LHFPL1: variants seen among roughly 807,000 people sequenced by gnomAD.
LHFPL1 encodes the protein LHFPL tetraspan subfamily member 1 protein.
Under a neutral mutation model 12.1 loss-of-function variants are expected in LHFPL1, and 4 were observed. The observed-to-expected ratio is 0.33, with a 90% confidence interval of 0.16 to 0.76. LHFPL1 has a LOEUF of 0.76. Among genes scored for constraint, LHFPL1 ranks in the 30% least tolerant of loss-of-function variants. LHFPL1 has a pLI of 0.61. For missense variants in LHFPL1, 141 were observed against 174.1 expected, an observed-to-expected ratio of 0.81 and a Z score of 1.07; for synonymous variants, 52 against 61.9, an observed-to-expected ratio of 0.84 and a Z score of 0.75.
At chrX:112,635,122 G>A (rs1315506719) in intron 3 of LHFPL1, among the ~76,000 whole-genome samples, 1 of 111,997 alleles carries the variant, frequency 8.9e-6, no homozygotes, top group East Asian at 2.8e-4. Flanking sequence ...AGGTGGCAAT[G>A]AGTTGCCATA....
chrX:112,674,354 GA>G (rs1255660489), intron 1 of LHFPL1, among the ~76,000 whole-genome samples: 1 of 111,300 alleles, frequency 9.0e-6, no homozygotes, highest in Non-Finnish European at 1.9e-5. Flanking sequence ...AGATAACATT[GA>G]AAAAACCCTT....
chrX:112,647,461 A>T (rs1363233011), intron 3 of LHFPL1, among the ~76,000 whole-genome samples: 1 of 112,226 alleles, frequency 8.9e-6, no homozygotes, highest in Non-Finnish European at 1.9e-5. Flanking sequence ...TCTACAAGGA[A>T]CTTAAACAAA....
intron 3 of LHFPL1, among the ~76,000 whole-genome samples, chrX:112,640,087 G>A (rs1481436798): frequency 9.0e-6 from 1 of 111,261 alleles, no homozygotes; most frequent in Non-Finnish European, 1.9e-5. Flanking sequence ...AATAGTAATA[G>A]CTAATATTGG....
At chrX:112,648,408 A>T (rs1391768944) in intron 3 of LHFPL1, among the ~76,000 whole-genome samples, 6 of 111,989 alleles carry the variant, frequency 5.4e-5, no homozygotes, top group African/African-American at 1.9e-4. Flanking sequence ...TGATGGTTAA[A>T]ATGCCACATT....
At chrX:112,663,396 G>A (rs1290956312) in intron 2 of LHFPL1, among the ~76,000 whole-genome samples, 2 of 111,441 alleles carry the variant, frequency 1.8e-5, no homozygotes, top group East Asian at 5.6e-4. Context: ...CTGTTTCAGA[G>A]TATGCACAGT....
chrX:112,642,016 G>A (rs917395388), intron 3 of LHFPL1, among the ~76,000 whole-genome samples: 1 of 111,211 alleles, frequency 9.0e-6, no homozygotes, highest in Non-Finnish European at 1.9e-5. Flanking sequence ...GAGGCTAGGT[G>A]ACAATGATTT....
At chrX:112,658,437 A>G (rs1410261473) in intron 3 of LHFPL1, among the ~76,000 whole-genome samples, 2 of 106,877 alleles carry the variant, frequency 1.9e-5, no homozygotes, top group South Asian at 3.9e-4. Context: ...AAAACAAAAA[A>G]AAAAAAGAAA....
chrX:112,672,653 T>C (rs1331465191), intron 1 of LHFPL1, among the ~76,000 whole-genome samples: 1 of 111,203 alleles, frequency 9.0e-6, no homozygotes, highest in Admixed American at 9.6e-5. Flanking sequence ...GCGCAGGAAC[T>C]GGCTGTATGG....
At chrX:112,658,517 A>G (rs1386025040) in intron 3 of LHFPL1, among the ~76,000 whole-genome samples, 1 of 111,849 alleles carries the variant, frequency 8.9e-6, no homozygotes, top group Non-Finnish European at 1.9e-5. Context: ...AAAACAGCCA[A>G]TAAGTACACA....
intron 3 of LHFPL1, among the ~76,000 whole-genome samples, chrX:112,631,953 T>A (rs767131111): frequency 1.9e-4 from 21 of 111,846 alleles, no homozygotes; most frequent in Non-Finnish European, 3.0e-4. Context: ...ACCTCATTGA[T>A]CATTACAGTA....
At chrX:112,654,779 G>A (rs898699997) in intron 3 of LHFPL1, among the ~76,000 whole-genome samples, 25 of 110,927 alleles carry the variant, frequency 2.3e-4, no homozygotes, top group Non-Finnish European at 3.0e-4. Context: ...AATATGGTTT[G>A]GCATTTTTCT....
At chrX:112,634,874 G>C (rs1187680601) in intron 3 of LHFPL1, among the ~76,000 whole-genome samples, 1 of 111,884 alleles carries the variant, frequency 8.9e-6, no homozygotes, top group Admixed American at 9.5e-5. Context: ...AGGAGAAAGA[G>C]GGGAAATGTA....
chrX:112,674,398 C>A (rs189639952), intron 1 of LHFPL1, among the ~76,000 whole-genome samples: 7 of 110,890 alleles, frequency 6.3e-5, no homozygotes, highest in African/African-American at 2.3e-4. Context: ...ATTTCATGAC[C>A]AAGAACCCAA....
rs1306876810 is a variant in LHFPL1 at position 112,631,443 on chromosome X, GC to G, written c.639del (p.Glu213AspfsTer11). On this transcript the variant is annotated frameshift_variant, in exon 4 of 4. Transcript: ENST00000371968. LOFTEE classifies it high-confidence loss of function. ...IMRNTNSYAM[E>X]LDHCLKP ...GCTCAAGGTTTGAGGCAATGGTCAA[GC>G]TCCATAGCATAAGAATTGGTATTCC... The G allele has an allele frequency of 8.3e-7, 1 of 1,206,638 alleles. No homozygotes were observed. The highest frequency in any genetic ancestry group is 1.8e-5 in the African/African-American group (1 of 56,901).
intron 3 of LHFPL1, among the ~76,000 whole-genome samples, chrX:112,644,453 T>TTGTGTGTGTG (rs111620839): frequency 2.9e-5 from 3 of 104,798 alleles, no homozygotes; most frequent in African/African-American, 1.0e-4. Context: ...TTTCTCCTGT[T>TTGTGTGTGTG]TGTGTGTGTG....
intron 1 of LHFPL1, among the ~76,000 whole-genome samples, chrX:112,672,020 C>A (rs1931523224): frequency 9.0e-6 from 1 of 111,655 alleles, no homozygotes; most frequent in Non-Finnish European, 1.9e-5. Flanking sequence ...CGCTTTTCAA[C>A]TGGGATGCAT....
chrX:112,678,336 A>G (rs900700107), intron 1 of LHFPL1, among the ~76,000 whole-genome samples: 4 of 111,645 alleles, frequency 3.6e-5, no homozygotes, highest in African/African-American at 1.3e-4. Flanking sequence ...TACCAATGAG[A>G]GATCTTCATC....
chrX:112,670,447 G>A (rs1471718474), intron 2 of LHFPL1, among the ~76,000 whole-genome samples: 2 of 112,434 alleles, frequency 1.8e-5, no homozygotes, highest in Non-Finnish European at 3.7e-5. Flanking sequence ...CAAGAAATCT[G>A]GGTAGACTGC....
At chrX:112,647,999 A>G (rs1930743806) in intron 3 of LHFPL1, among the ~76,000 whole-genome samples, 1 of 111,706 alleles carries the variant, frequency 9.0e-6, no homozygotes, top group Non-Finnish European at 1.9e-5. Context: ...CATCCATAAA[A>G]AAGGATGAGT....
Sources: allele counts gnomAD v4.1 joint callset (sites outside exome capture counted in the v4.1 genomes callset), GRCh38; gene constraint gnomAD v4.1.1; transcripts MANE v1.5; gene names NCBI Gene and HGNC (gene_info 2026-07-23, HGNC 2026-07-21).